Variants in BEND7 observed in about 807,000 individuals in gnomAD.
BEND7 encodes the protein BEN domain-containing protein 7.
BEND7 carries 28 observed loss-of-function variants against 50.9 expected under a neutral mutation model. That is an observed-to-expected ratio of 0.55 (90% confidence interval 0.41 to 0.75). The LOEUF (loss-of-function observed/expected upper bound fraction) is 0.75. BEND7 is among the 30% of genes least tolerant of loss of function. The pLI is 0.00. For synonymous variants in BEND7, 170 were observed against 183.9 expected (o/e 0.92, Z 0.61); for missense variants, 477 against 491.3 (o/e 0.97, Z 0.28).
At chr10:13,513,137 T>C (rs1302052584) in intron 2 of BEND7, among the ~76,000 whole-genome samples, 1 of 152,250 alleles carries the variant, frequency 6.6e-6, no homozygotes, top group Non-Finnish European at 1.5e-5. Flanking sequence ...TTCTTCTTCT[T>C]ATTGCTATTG....
chr10:13,466,279 A>G (rs1564280496), intron 6 of BEND7, among the ~76,000 whole-genome samples: 3 of 151,290 alleles, frequency 2.0e-5, no homozygotes, highest in Non-Finnish European at 2.9e-5. Context: ...TGGATTTAAT[A>G]GGCCGGGCGC....
At chr10:13,500,531 G>C in intron 2 of BEND7, 1 of 990,874 alleles carries the variant, frequency 1.0e-6, no homozygotes, top group Admixed American at 5.7e-5. Flanking sequence ...TTCACCAGGC[G>C]GGGCAAGGAC....
At chr10:13,521,378 A>G (rs898161060) in intron 2 of BEND7, among the ~76,000 whole-genome samples, 1 of 152,246 alleles carries the variant, frequency 6.6e-6, no homozygotes, top group African/African-American at 2.4e-5. Flanking sequence ...TTAATGGGAT[A>G]ACATTTACAA....
rs11297588 is a variant in BEND7, at chr10:13,501,845, C to CA, written c.146-1766dup. ...TGGGTGATAGTGGCAGACCCTGTCT[C>CA]AAAAAAAAAAAAAATCTTAGGCCAG... On this transcript the variant is annotated intron_variant, in intron 2 of 8. Coordinates refer to ENST00000466271, the MANE Select transcript of BEND7 (RefSeq NM_001369863.1). Among the ~76,000 whole-genome samples, 1,028 of 141,882 alleles carry CA rather than the reference C, an allele frequency of 7.2e-3. 10 individuals are homozygous for CA. Among genetic ancestry groups the CA allele is most frequent in the African/African-American group, 0.022 (852 of 38,474 alleles). 93.1% of individuals were successfully genotyped at this position (141,882 alleles called of 152,430 possible).
intron 5 of BEND7, among the ~76,000 whole-genome samples, chr10:13,482,010 A>G (rs1011080584): frequency 2.0e-5 from 3 of 152,222 alleles, no homozygotes; most frequent in African/African-American, 7.2e-5. Flanking sequence ...AGCCTTCCAA[A>G]TGAACTGATC....
At chr10:13,478,636 G>A (rs2075635811) in intron 6 of BEND7, among the ~76,000 whole-genome samples, 1 of 151,934 alleles carries the variant, frequency 6.6e-6, no homozygotes, top group African/African-American at 2.4e-5. Flanking sequence ...TGGCCTTTTT[G>A]TTTTCAATAC....
chr10:13,510,535 A>G (rs759073145), intron 2 of BEND7, among the ~76,000 whole-genome samples: 13 of 152,380 alleles, frequency 8.5e-5, no homozygotes, highest in Middle Eastern at 3.4e-3. Context: ...TAAATGAATT[A>G]TGGTACAGCA....
chr10:13,476,611 G>A (rs538136835), intron 6 of BEND7, among the ~76,000 whole-genome samples: 8 of 152,278 alleles, frequency 5.3e-5, no homozygotes, highest in African/African-American at 1.9e-4. Flanking sequence ...GGGATTCAAA[G>A]ATTCTATCAT....
At chr10:13,453,949 A>G (rs896449241) in intron 6 of BEND7, among the ~76,000 whole-genome samples, 11 of 152,234 alleles carry the variant, frequency 7.2e-5, no homozygotes, top group Non-Finnish European at 1.3e-4. Flanking sequence ...AAAAGCGGCT[A>G]TATGTGATCT....
intron 2 of BEND7, among the ~76,000 whole-genome samples, chr10:13,524,277 G>A (rs1564425510): frequency 6.6e-6 from 1 of 152,188 alleles, no homozygotes; most frequent in East Asian, 1.9e-4. Flanking sequence ...TATGGTGAAC[G>A]TAAATTTTCT....
At chr10:13,500,190 T>C (rs1195161314) in intron 2 of BEND7, 110 bp from the exon 3 acceptor site, 8 of 958,418 alleles carry the variant, frequency 8.3e-6, no homozygotes, top group African/African-American at 1.6e-5. Flanking sequence ...ATGGGAAAGA[T>C]GACTGACTCT....
At chr10:13,470,641 G>A (rs1250954891) in intron 6 of BEND7, among the ~76,000 whole-genome samples, 1 of 152,188 alleles carries the variant, frequency 6.6e-6, no homozygotes, top group East Asian at 1.9e-4. Context: ...TTGAGGAGAT[G>A]AGATCCCTTT....
chr10:13,474,329 A>G (rs1245607996), intron 6 of BEND7, among the ~76,000 whole-genome samples: 1 of 145,806 alleles, frequency 6.9e-6, no homozygotes, highest in Non-Finnish European at 1.5e-5. Flanking sequence ...ATCGCTGTTA[A>G]ATTTGGGGTC....
At position 13,492,666 on chromosome 10, in the gene BEND7, G is replaced by T. The variant is rs183410236; in HGVS notation, c.782C>A (p.Pro261Gln). 1.2e-6 allele frequency: 2 copies of T among 1,614,162 alleles called. No individual in the cohort carries two copies. The highest frequency in any genetic ancestry group is 4.5e-5 in the East Asian group (2 of 44,884). The part of the protein sequence containing the change: ...SALQAAEHTS[P>Q]EESRVLGFGI... ...GAATCCTAGAACGCGGCTCTCCTCC[G>T]GGGAGGTGTGCTCGGCTGCCTGGAG... The change falls in exon 5 of 9, where the codon CCG becomes CAG. Residue 261 changes from proline (P) to glutamine (Q), a missense_variant. Transcript: ENST00000466271.
chr10:13,476,112 A>C (rs1349617718), intron 6 of BEND7, among the ~76,000 whole-genome samples: 3 of 152,204 alleles, frequency 2.0e-5, no homozygotes, highest in Admixed American at 2.0e-4. Context: ...TTTTTTATTA[A>C]ATCCTAATGG....
Position 13,501,987 on chromosome 10 carries a change from T to C in BEND7, c.146-1907A>G, listed in dbSNP as rs186823032. Among the ~76,000 whole-genome samples, 348 of 152,098 alleles carry C rather than the reference T, an allele frequency of 2.3e-3. 1 individual carries two copies. Among genetic ancestry groups the C allele is most frequent in the Non-Finnish European group, 3.7e-3 (252 of 67,992 alleles). On this transcript the variant is annotated intron_variant, in intron 2 of 8. Transcript: ENST00000466271. ...TTAAGAAAAATACAGCTCCTACAAA[T>C]ACACACAGCACATTCAATATAATGA...
At chr10:13,478,549 A>G (rs778897973) in intron 6 of BEND7, among the ~76,000 whole-genome samples, 9 of 152,044 alleles carry the variant, frequency 5.9e-5, no homozygotes, top group Non-Finnish European at 1.0e-4. Flanking sequence ...AAACAGTCAA[A>G]TCTGATACCA....
intron 6 of BEND7, among the ~76,000 whole-genome samples, chr10:13,472,796 C>T (rs2075010925): frequency 6.8e-6 from 1 of 146,244 alleles, no homozygotes; most frequent in Non-Finnish European, 1.5e-5. Context: ...CTCTTAGACT[C>T]GGGGTTGATA....
intron 2 of BEND7, among the ~76,000 whole-genome samples, chr10:13,503,246 G>A (rs909448622): frequency 6.6e-6 from 1 of 152,194 alleles, no homozygotes; most frequent in African/African-American, 2.4e-5. Context: ...GCAGAAACAT[G>A]TCTCCCAAAG....
Sources: allele counts gnomAD v4.1 joint callset (sites outside exome capture counted in the v4.1 genomes callset), GRCh38; gene constraint gnomAD v4.1.1; transcripts MANE v1.5; gene names NCBI Gene and HGNC (gene_info 2026-07-23, HGNC 2026-07-21).